EIF3H: variants seen among roughly 807,000 people sequenced by gnomAD.
EIF3H encodes the protein eIF-3-gamma.
Under a neutral mutation model 44.2 loss-of-function variants are expected in EIF3H, and 26 were observed. The observed-to-expected ratio is 0.59, with a 90% CI of 0.43 to 0.82. EIF3H has a LOEUF of 0.82. EIF3H is among the 40% of genes least tolerant of loss of function. The pLI is 0.00. For missense variants in EIF3H, 359 were observed against 432.8 expected (o/e 0.83, Z 1.51); for synonymous variants, 166 against 151.9 (o/e 1.09, Z -0.68).
At chr8:116,753,428 T>C (rs1198267491) in intron 1 of EIF3H, among the ~76,000 whole-genome samples, 1 of 152,208 alleles carries the variant, frequency 6.6e-6, no homozygotes, top group African/African-American at 2.4e-5. Context: ...CCAAGGTGCT[T>C]TGGTAATCAA....
At chr8:116,698,905 T>C (rs1343663) in intron 2 of EIF3H, among the ~76,000 whole-genome samples, 15,316 of 152,164 alleles carry the variant, frequency 0.1, 1,119 homozygotes, top group African/African-American at 0.19. Flanking sequence ...CCCAGCACTT[T>C]GGGAGGCCAA....
At chr8:116,738,134 A>G (rs1206631688) in intron 1 of EIF3H, among the ~76,000 whole-genome samples, 1 of 151,496 alleles carries the variant, frequency 6.6e-6, no homozygotes. Flanking sequence ...TTTGTTTTTA[A>G]TTCAAAAAGC....
Position 116,686,096 on chromosome 8 carries a change from A to G in EIF3H, c.290-27116T>C, listed in dbSNP as rs1050181952. On this transcript the variant is annotated intron_variant, in intron 2 of 7. Transcript: ENST00000521861. The stretch of plus-strand genomic sequence containing the variant: ...TGACAGTAGAAAAGAGAATACAATT[A>G]CAAACTAATCCTATTATTAAACATA... Among the ~76,000 whole-genome samples the G allele has an allele frequency of 4.6e-5, 7 of 152,304 alleles. No homozygotes were observed. The East Asian group carries it at 1.2e-3, about 25-fold the overall frequency.
At chr8:116,680,849 A>G (rs999989895) in intron 2 of EIF3H, among the ~76,000 whole-genome samples, 5 of 151,396 alleles carry the variant, frequency 3.3e-5, no homozygotes, top group Non-Finnish European at 7.4e-5. Context: ...TAAATAAATA[A>G]AAAAAAAGAA....
chr8:116,650,453 T>A (rs1422353428), intron 5 of EIF3H, among the ~76,000 whole-genome samples: 1 of 152,190 alleles, frequency 6.6e-6, no homozygotes, highest in African/African-American at 2.4e-5. Context: ...ACATGTATGT[T>A]AATAGCTACA....
chr8:116,675,637 T>C (rs527679863), intron 2 of EIF3H, among the ~76,000 whole-genome samples: 1 of 152,316 alleles, frequency 6.6e-6, no homozygotes, highest in Non-Finnish European at 1.5e-5. Context: ...TTTAGTCAAA[T>C]AAAACAGTGC....
intron 2 of EIF3H, among the ~76,000 whole-genome samples, chr8:116,662,495 T>A (rs1225979695): frequency 1.3e-5 from 2 of 152,154 alleles, no homozygotes; most frequent in Admixed American, 6.5e-5. Context: ...TAATACTGTT[T>A]CTGTTTATTA....
intron 3 of EIF3H, 65 bp downstream of exon 3, chr8:116,658,748 G>A (rs1813533315): frequency 3.2e-6 from 5 of 1,540,846 alleles, no homozygotes; most frequent in Non-Finnish European, 4.4e-6. Flanking sequence ...GAGGCAAAAA[G>A]GACAGAAAGC....
chr8:116,764,931 G>A (rs1376740460), intron 1 of EIF3H, among the ~76,000 whole-genome samples: 22 of 152,206 alleles, frequency 1.4e-4, no homozygotes, highest in Admixed American at 1.4e-3. Context: ...GGGAAAAAAT[G>A]TGCTGTAGCT....
At chr8:116,681,461 G>C (rs1427649898) in intron 2 of EIF3H, among the ~76,000 whole-genome samples, 2 of 152,030 alleles carry the variant, frequency 1.3e-5, no homozygotes, top group Non-Finnish European at 2.9e-5. Context: ...GAGGTAGGGA[G>C]TTCAAGACCA....
At chr8:116,684,277 C>G (rs1321257326) in intron 2 of EIF3H, among the ~76,000 whole-genome samples, 1 of 152,126 alleles carries the variant, frequency 6.6e-6, no homozygotes, top group Admixed American at 6.5e-5. Flanking sequence ...GATGGAAGTC[C>G]TGCAGATGTG....
intron 1 of EIF3H, among the ~76,000 whole-genome samples, chr8:116,744,850 A>C (rs1815205461): frequency 6.6e-6 from 1 of 152,246 alleles, no homozygotes; most frequent in Admixed American, 6.5e-5. Context: ...TGATGAAGTA[A>C]AAGAAAATCT....
intron 2 of EIF3H, among the ~76,000 whole-genome samples, chr8:116,718,509 C>CAT (rs376190081): frequency 0.045 from 6,713 of 150,170 alleles, 466 homozygotes; most frequent in African/African-American, 0.15. Flanking sequence ...AAATGTGTTG[C>CAT]ATATATATAT....
chr8:116,688,435 T>C (rs1305561143), intron 2 of EIF3H, among the ~76,000 whole-genome samples: 2 of 152,100 alleles, frequency 1.3e-5, no homozygotes, highest in Admixed American at 6.5e-5. Context: ...ACAAAGGATA[T>C]AGCAATGAAA....
In EIF3H at chr8:116,661,558, C is replaced by T. The variant is rs1457799141; in HGVS notation, c.290-2578G>A. ...TCTGAGAACCCAATCCCAGTCAAAA[C>T]GCTATTATTCCACATTGTTCACTGG... On this transcript the variant is annotated intron_variant, in intron 2 of 7. Coordinates refer to ENST00000521861, the MANE Select transcript of EIF3H (RefSeq NM_003756.3). Among the ~76,000 whole-genome samples, 11 of 152,140 alleles carry T rather than the reference C, an allele frequency of 7.2e-5. No individual in the cohort carries two copies. In the East Asian group the frequency reaches 9.6e-4, roughly 13 times the overall value.
At chr8:116,645,189 T>A (rs1015220228) in intron 7 of EIF3H, 86 bp from the exon 8 acceptor site, 22 of 977,638 alleles carry the variant, frequency 2.3e-5, no homozygotes, top group Admixed American at 1.5e-4. Context: ...AAAATCAGCA[T>A]AAAACAGAAT....
intron 1 of EIF3H, among the ~76,000 whole-genome samples, chr8:116,743,733 G>C (rs1399189089): frequency 6.7e-6 from 1 of 148,454 alleles, no homozygotes; most frequent in Non-Finnish European, 1.5e-5. Context: ...ACTCCAGCCT[G>C]GGCGACAGAG....
chr8:116,687,608 C>T (rs1038950207), intron 2 of EIF3H, among the ~76,000 whole-genome samples: 48 of 152,066 alleles, frequency 3.2e-4, no homozygotes, highest in Non-Finnish European at 8.8e-5. Context: ...GGTCAGGAAA[C>T]ATTTGTTTAA....
At chr8:116,700,952 A>C (rs1187228108) in intron 2 of EIF3H, among the ~76,000 whole-genome samples, 1 of 152,222 alleles carries the variant, frequency 6.6e-6, no homozygotes, top group Non-Finnish European at 1.5e-5. Flanking sequence ...TTTAATCATA[A>C]AGTAAGACTT....
Sources: allele counts gnomAD v4.1 joint callset (sites outside exome capture counted in the v4.1 genomes callset), GRCh38; gene constraint gnomAD v4.1.1; transcripts MANE v1.5; gene names NCBI Gene and HGNC (gene_info 2026-07-23, HGNC 2026-07-21).